SLC7A1: variants seen among roughly 807,000 people sequenced by gnomAD.
The protein encoded by SLC7A1 is high affinity cationic amino acid transporter 1.
A neutral mutation model predicts 53.9 loss-of-function variants in SLC7A1; 10 were observed. The ratio of observed to expected loss-of-function variants is 0.19; its 90% confidence interval spans 0.11 to 0.31. The LOEUF is 0.31. Among genes scored for constraint, SLC7A1 ranks in the 10% least tolerant of loss-of-function variants. The pLI is 1.00. For synonymous variants in SLC7A1, 342 were observed against 338.7 expected, an observed-to-expected ratio of 1.01 and a Z score of -0.11; for missense variants, 525 against 827.2, an observed-to-expected ratio of 0.63 and a Z score of 4.48.
At chr13:29,585,168 A>G (rs2139189028) in intron 1 of SLC7A1, among the ~76,000 whole-genome samples, 1 of 152,320 alleles carries the variant, frequency 6.6e-6, no homozygotes, top group Middle Eastern at 3.4e-3. Flanking sequence ...CACAGAGAAT[A>G]ATGTCCCCTT....
chr13:29,585,777 G>A (rs1318062852), intron 1 of SLC7A1, among the ~76,000 whole-genome samples: 1 of 152,232 alleles, frequency 6.6e-6, no homozygotes, highest in African/African-American at 2.4e-5. Context: ...GGAAAGGACA[G>A]CTGTGACAGT....
At chr13:29,531,315 C>T (rs1364515856) in intron 4 of SLC7A1, among the ~76,000 whole-genome samples, 4 of 146,148 alleles carry the variant, frequency 2.7e-5, no homozygotes, top group African/African-American at 5.1e-5. Context: ...TGCAAACTCA[C>T]GTTTTTTTTT....
intron 1 of SLC7A1, among the ~76,000 whole-genome samples, chr13:29,576,293 T>TAAAAAAAAAAAAAAAAAAAA (rs3069134): frequency 3.2e-5 from 4 of 124,950 alleles, no homozygotes; most frequent in South Asian, 2.5e-4. Flanking sequence ...TCCTGTTTTT[T>TAAAAAAAAAAAAAAAAAAAA]AAAAAAAAAA....
At chr13:29,524,893 A>T (rs1478627804) in intron 5 of SLC7A1, among the ~76,000 whole-genome samples, 1 of 152,188 alleles carries the variant, frequency 6.6e-6, no homozygotes, top group Non-Finnish European at 1.5e-5. Flanking sequence ...ACAGTTTACA[A>T]ACTCAGGAGT....
intron 5 of SLC7A1, among the ~76,000 whole-genome samples, chr13:29,524,955 C>T (rs778560958): frequency 5.3e-5 from 8 of 152,172 alleles, no homozygotes; most frequent in Admixed American, 4.6e-4. Context: ...ATAAATCTGA[C>T]ACCTGTGCCG....
chr13:29,561,749 A>G (rs34967062), intron 1 of SLC7A1, among the ~76,000 whole-genome samples: 14,254 of 152,216 alleles, frequency 0.094, 744 homozygotes, highest in Middle Eastern at 0.16. Context: ...AGAATCCAGA[A>G]CTGCCCTCTG....
intron 1 of SLC7A1, among the ~76,000 whole-genome samples, chr13:29,554,999 C>A (rs543569489): frequency 6.6e-6 from 1 of 152,256 alleles, no homozygotes; most frequent in East Asian, 1.9e-4. Context: ...TCATGACCAT[C>A]GTGATAAGCA....
chr13:29,535,392 T>C (rs1218715877), intron 3 of SLC7A1, among the ~76,000 whole-genome samples: 2 of 152,252 alleles, frequency 1.3e-5, no homozygotes. Context: ...CACAAAAATG[T>C]TAACCATAGT....
At chr13:29,570,538 A>C (rs1237153536) in intron 1 of SLC7A1, among the ~76,000 whole-genome samples, 2 of 152,302 alleles carry the variant, frequency 1.3e-5, no homozygotes, top group Non-Finnish European at 2.9e-5. Flanking sequence ...TTAAACTCTC[A>C]GGTTAAACTG....
At chr13:29,553,640 G>T (rs1016816235) in intron 2 of SLC7A1, 121 bp downstream of exon 2, 1 of 152,190 alleles carries the variant, frequency 6.6e-6, no homozygotes, top group Non-Finnish European at 1.5e-5. Context: ...GACAACTGGG[G>T]GTTTTAGTTG....
chr13:29,524,520 G>A (rs1868794000), intron 5 of SLC7A1, among the ~76,000 whole-genome samples: 1 of 152,198 alleles, frequency 6.6e-6, no homozygotes, highest in Admixed American at 6.5e-5. Flanking sequence ...AGGGTAGGGA[G>A]ACGTGGGGAC....
At chr13:29,576,985 A>C (rs1054138982) in intron 1 of SLC7A1, among the ~76,000 whole-genome samples, 3 of 152,076 alleles carry the variant, frequency 2.0e-5, no homozygotes, top group Non-Finnish European at 4.4e-5. Flanking sequence ...CTAGCCTGTC[A>C]CCTCCATCAC....
intron 1 of SLC7A1, among the ~76,000 whole-genome samples, chr13:29,590,502 A>C (rs1387783875): frequency 6.6e-6 from 1 of 152,184 alleles, no homozygotes; most frequent in Admixed American, 6.5e-5. Context: ...CGCAAGGTGC[A>C]TGGGTCTGAG....
intron 1 of SLC7A1, among the ~76,000 whole-genome samples, chr13:29,562,845 G>A (rs956690540): frequency 1.3e-5 from 2 of 152,182 alleles, no homozygotes; most frequent in African/African-American, 4.8e-5. Context: ...GGTCAAGGAA[G>A]AAACAGTAAG....
At chr13:29,531,316 G>A (rs192999973) in intron 4 of SLC7A1, among the ~76,000 whole-genome samples, 21 of 149,868 alleles carry the variant, frequency 1.4e-4, no homozygotes, top group Non-Finnish European at 2.5e-4. Context: ...GCAAACTCAC[G>A]TTTTTTTTTT....
chr13:29,524,705 G>C (rs962379263), intron 5 of SLC7A1, among the ~76,000 whole-genome samples: 1 of 152,154 alleles, frequency 6.6e-6, no homozygotes. Context: ...AGAAACTAAG[G>C]CTAAAATAAA....
chr13:29,564,521 T>G (rs774383393), intron 1 of SLC7A1, among the ~76,000 whole-genome samples: 9 of 152,236 alleles, frequency 5.9e-5, no homozygotes, highest in Non-Finnish European at 1.3e-4. Context: ...TCCATTATTT[T>G]CAATACTACT....
intron 1 of SLC7A1, among the ~76,000 whole-genome samples, chr13:29,594,953 G>C (rs1872248421): frequency 6.6e-6 from 1 of 152,074 alleles, no homozygotes; most frequent in South Asian, 2.1e-4. Context: ...ACCTCGTGGC[G>C]GGGCGGGGTG....
chr13:29,525,130 T>A (rs2482091), intron 5 of SLC7A1, among the ~76,000 whole-genome samples: 1 of 152,078 alleles, frequency 6.6e-6, no homozygotes, highest in Admixed American at 6.5e-5. Context: ...CCCTGGCCAC[T>A]GTCCCCTGGT....
Sources: gnomAD v4.1 joint callset for allele counts (sites outside exome capture counted in the v4.1 genomes callset) on GRCh38, gnomAD v4.1.1 for gene constraint, MANE v1.5 for transcripts, NCBI Gene and HGNC (gene_info 2026-07-23, HGNC 2026-07-21) for gene names.